The following HOOK3 variants were observed in gnomAD, a reference collection of about 807,000 sequenced individuals.
HOOK3 encodes protein Hook homolog 3.
In HOOK3, 24 loss-of-function variants were observed where a neutral mutation model predicts 116.3. The observed-to-expected ratio is 0.21, with a 90% CI of 0.15 to 0.29. HOOK3 has a LOEUF of 0.29. Ranked by LOEUF, HOOK3 falls within the 10% of genes least tolerant of loss-of-function variation. The probability of loss-of-function intolerance (pLI) is 1.00; values close to 1 mark genes in which losing one functional copy is unlikely to be tolerated. For missense variants in HOOK3, 632 were observed against 830.2 expected (o/e 0.76, Z 2.93); for synonymous variants, 275 against 283.0 (o/e 0.97, Z 0.28).
intron 8 of HOOK3, among the ~76,000 whole-genome samples, chr8:42,963,439 C>T (rs907396760): frequency 6.6e-6 from 1 of 152,144 alleles, no homozygotes; most frequent in African/African-American, 2.4e-5. Flanking sequence ...GGATTGTTTC[C>T]AGTTTTCTTC....
chr8:42,930,311 G>A lies in HOOK3; in HGVS notation c.267+139G>A, dbSNP rs988395255. ...CATTTTATAGTTTCTATAATAGGAT[G>A]ATGGTTCAACCAACCATCTGTCAGT... is the stretch of plus-strand genomic sequence containing the variant. On this transcript the variant is annotated intron_variant, in intron 4 of 21. Transcript: ENST00000307602. 1.7e-5 allele frequency: 12 copies of A among 722,988 alleles called. No individual in the cohort carries two copies. In the African/African-American group the frequency reaches 2.2e-4, roughly 14 times the overall value. The allele number at this position is 722,988 out of a possible 1,614,324, so 44.8% of individuals were successfully genotyped here. A position where few individuals can be genotyped will look rare whatever the true frequency, so the allele number is the denominator to read the frequency against.
chr8:42,902,314 C>T (rs1051136765), intron 1 of HOOK3, among the ~76,000 whole-genome samples: 2 of 151,572 alleles, frequency 1.3e-5, no homozygotes, highest in Non-Finnish European at 2.9e-5. Context: ...CTCTGTTGCC[C>T]AGGCTGGAGT....
At chr8:43,008,713 G>A (rs1809544621) in intron 18 of HOOK3, among the ~76,000 whole-genome samples, 1 of 142,838 alleles carries the variant, frequency 7.0e-6, no homozygotes, top group African/African-American at 2.6e-5. Context: ...AGGCTGGAGT[G>A]CAGTGGCGGG....
In HOOK3 at chr8:42,906,194, G is replaced by A. The variant is rs1474831424; in HGVS notation, c.79G>A (p.Ala27Thr). 2 of 1,523,864 alleles carry A rather than the reference G, an allele frequency of 1.3e-6. No individual in the cohort carries two copies. The highest frequency in any genetic ancestry group is 1.7e-5 in the Admixed American group (1 of 57,156). The allele number at this position is 1,523,864 out of a possible 1,614,324, so 94.4% of individuals were successfully genotyped here. A position where few individuals can be genotyped will look rare whatever the true frequency, so the allele number is the denominator to read the frequency against. Residue 27 changes from alanine to threonine, a missense_variant, in exon 2 of 22, where the codon GCA becomes ACA. By Grantham distance (58) the Ala-to-Thr change is moderately conservative. Transcript: ENST00000307602. ...LTWIQTFNVD[A>T]PCQTVEDLTN... ...TCAGATCCAGACATTTAATGTGGAT[G>A]CACCATGCCAGACCGTGGAAGATTT...
rs1809799124 is a variant in HOOK3, at chr8:43,020,278, A to G, written c.*1780A>G. On this transcript the variant is annotated 3_prime_UTR_variant, in exon 22 of 22. Transcript: ENST00000307602. ...AAGTTAGGGATAAATGGAGATAGCC[A>G]TGAGTAGAACTGCTGTAGGGCTTCA... 1.0e-5 allele frequency: 2 copies of G among 200,416 alleles called. No individual in the cohort carries two copies. Among genetic ancestry groups the G allele is most frequent in the South Asian group, 3.8e-4 (2 of 5,240 alleles). The allele number at this position is 200,416 out of a possible 1,614,324, so 12.4% of individuals were successfully genotyped here.
At chr8:43,000,119 G>A (rs768457408) in intron 16 of HOOK3, among the ~76,000 whole-genome samples, 2 of 152,214 alleles carry the variant, frequency 1.3e-5, no homozygotes, top group Non-Finnish European at 2.9e-5. Flanking sequence ...CTACACTCCA[G>A]CCTGGGCAAC....
At chr8:42,993,057 A>G (rs534442103) in intron 15 of HOOK3, among the ~76,000 whole-genome samples, 2 of 152,330 alleles carry the variant, frequency 1.3e-5, no homozygotes, top group East Asian at 1.9e-4. Flanking sequence ...TTCAACATCA[A>G]TTGAAATGAT....
At position 43,013,384 on chromosome 8, in the gene HOOK3, G is replaced by C. The variant is rs766421792; in HGVS notation, c.2000G>C (p.Ser667Thr). 1 of 1,583,906 alleles carries C rather than the reference G, an allele frequency of 6.3e-7. No homozygotes were observed. Among genetic ancestry groups the C allele is most frequent in the South Asian group, 1.2e-5 (1 of 83,920 alleles). ...GAGATGGAAGAGAAATATATTGTTA[G>C]TGCCTGGTACAATATGGTAAGAAAA... ...QREMEEKYIV[S>T]AWYNMGMTLH... is the part of the protein sequence containing the mutation. Residue 667 changes from serine (S) to threonine (T), a missense_variant, in exon 21 of 22, where the codon AGT (serine) becomes ACT (threonine). Ser to Thr is a moderately conservative substitution (Grantham distance 58). Coordinates refer to ENST00000307602, the MANE Select transcript of HOOK3 (RefSeq NM_032410.4).
intron 2 of HOOK3, among the ~76,000 whole-genome samples, chr8:42,908,457 T>G (rs1202354020): frequency 6.6e-6 from 1 of 152,158 alleles, no homozygotes; most frequent in African/African-American, 2.4e-5. Flanking sequence ...GGCATAAAAA[T>G]AGACACAATG....
chr8:43,008,322 T>C (rs1308046277), intron 18 of HOOK3, among the ~76,000 whole-genome samples: 1 of 152,060 alleles, frequency 6.6e-6, no homozygotes, highest in East Asian at 1.9e-4. Context: ...CCAGCCTGTT[T>C]ATTTATTTTT....
chr8:42,984,939 G>T (rs980453724), intron 14 of HOOK3, among the ~76,000 whole-genome samples: 1 of 152,156 alleles, frequency 6.6e-6, no homozygotes, highest in Non-Finnish European at 1.5e-5. Flanking sequence ...CAGCAAATAT[G>T]GCTTTTCTGA....
Position 43,025,449 on chromosome 8 carries a change from T to C in HOOK3, c.*6951T>C. On this transcript the variant is annotated 3_prime_UTR_variant, in exon 22 of 22. Transcript: ENST00000307602. Reference sequence around the variant, plus strand: ...GGGAAGTCCTAATACAATGAAAACTTGCATTATCTAAACAGATGTTCCCAA... The same window carrying C: ...GGGAAGTCCTAATACAATGAAAACTCGCATTATCTAAACAGATGTTCCCAA... 4.7e-6 allele frequency: 1 copy of C among 213,758 alleles called. No individual in the cohort carries two copies. The highest frequency in any genetic ancestry group is 9.5e-6 in the Non-Finnish European group (1 of 105,688). 13.2% of individuals were successfully genotyped at this position (213,758 alleles called of 1,614,324 possible).
chr8:42,901,501 C>G (rs1807188140), intron 1 of HOOK3, among the ~76,000 whole-genome samples: 1 of 151,974 alleles, frequency 6.6e-6, no homozygotes, highest in Non-Finnish European at 1.5e-5. Context: ...TATCTAGTTC[C>G]AAGAACATTT....
chr8:42,900,367 G>A (rs986136009), intron 1 of HOOK3, among the ~76,000 whole-genome samples: 1 of 152,140 alleles, frequency 6.6e-6, no homozygotes, highest in African/African-American at 2.4e-5. Flanking sequence ...CCAGGTTTTA[G>A]AGACTGAAAA....
chr8:42,997,745 G>C (rs1166792638), intron 16 of HOOK3, 108 bp downstream of exon 16: 6 of 712,720 alleles, frequency 8.4e-6, no homozygotes, highest in Non-Finnish European at 1.5e-5. Flanking sequence ...TATTATATTG[G>C]TTATAGAAAA....
At chr8:42,897,449 C>T (rs1807031745) in intron 1 of HOOK3, among the ~76,000 whole-genome samples, 1 of 150,296 alleles carries the variant, frequency 6.7e-6, no homozygotes, top group Admixed American at 6.6e-5. Flanking sequence ...CTGCTCGCAG[C>T]TGGGGCTGCG....
At chr8:42,985,862 T>C (rs1809040027) in intron 14 of HOOK3, among the ~76,000 whole-genome samples, 1 of 152,216 alleles carries the variant, frequency 6.6e-6, no homozygotes, top group Non-Finnish European at 1.5e-5. Flanking sequence ...TTATTGTGTT[T>C]ACAAAATAAG....
chr8:42,940,315 A>G (rs1483548746), intron 4 of HOOK3, among the ~76,000 whole-genome samples: 5 of 152,214 alleles, frequency 3.3e-5, no homozygotes, highest in Non-Finnish European at 7.3e-5. Flanking sequence ...CCCCGTCTCC[A>G]CCAAAAAAAC....
At chr8:42,949,543 G>T (rs926169428) in intron 5 of HOOK3, 5 of 152,112 alleles carry the variant, frequency 3.3e-5, no homozygotes, top group African/African-American at 7.2e-5. Flanking sequence ...TTTAACTATG[G>T]TATCAATTTG....
Sources: gnomAD v4.1 joint callset for allele counts (sites outside exome capture counted in the v4.1 genomes callset) on GRCh38, gnomAD v4.1.1 for gene constraint, MANE v1.5 for transcripts, NCBI Gene and HGNC (gene_info 2026-07-23, HGNC 2026-07-21) for gene names.